The following SHISA9 variants were observed in gnomAD, a reference collection of about 807,000 sequenced individuals.
SHISA9 encodes the protein protein shisa-9.
Under a neutral mutation model 38.0 loss-of-function variants are expected in SHISA9, and 13 were observed. The observed-to-expected ratio is 0.34, with a 90% CI of 0.22 to 0.54. SHISA9 has a LOEUF of 0.54. Among genes scored for constraint, SHISA9 ranks in the 20% least tolerant of loss-of-function variants. SHISA9 has a pLI of 0.91. For missense variants in SHISA9, 538 were observed against 575.8 expected (o/e 0.93, Z 0.67); for synonymous variants, 275 against 242.0 (o/e 1.14, Z -1.27).
the SHISA9 span, among the ~76,000 whole-genome samples, chr16:13,372,572 T>G: frequency 6.6e-6 from 1 of 152,202 alleles, no homozygotes; most frequent in African/African-American, 2.4e-5. Flanking sequence ...ATTGCTGAGA[T>G]TTGAGACATT....
the SHISA9 span, among the ~76,000 whole-genome samples, chr16:13,336,191 A>ACC: frequency 6.6e-6 from 1 of 152,120 alleles, no homozygotes; most frequent in Non-Finnish European, 1.5e-5. Flanking sequence ...ATTGAACCTC[A>ACC]CCAGAACCAA....
At chr16:13,361,402 G>A in the SHISA9 span, among the ~76,000 whole-genome samples, 1 of 152,324 alleles carries the variant, frequency 6.6e-6, no homozygotes, top group East Asian at 1.9e-4. Flanking sequence ...AATCCCAAAT[G>A]TTTCTTGATT....
At chr16:13,271,599 A>G in the SHISA9 span, among the ~76,000 whole-genome samples, 1 of 152,174 alleles carries the variant, frequency 6.6e-6, no homozygotes, top group Non-Finnish European at 1.5e-5. Flanking sequence ...TGAACCTCAA[A>G]TATATTATGT....
the SHISA9 span, among the ~76,000 whole-genome samples, chr16:13,462,668 T>G: frequency 6.6e-6 from 1 of 151,440 alleles, no homozygotes; most frequent in African/African-American, 2.4e-5. Flanking sequence ...GTACTAAAAA[T>G]ATAAAAAAGT....
chr16:13,429,534 G>A, the SHISA9 span, among the ~76,000 whole-genome samples: 1 of 151,966 alleles, frequency 6.6e-6, no homozygotes, highest in African/African-American at 2.4e-5. Context: ...TTTCTATAAG[G>A]ACACCAGTCA....
intron 2 of SHISA9, among the ~76,000 whole-genome samples, chr16:13,035,565 C>T (rs979569014): frequency 6.6e-6 from 1 of 151,474 alleles, no homozygotes; most frequent in African/African-American, 2.4e-5. Context: ...GAGTCTTGCT[C>T]TGTCACCCCG....
the SHISA9 span, among the ~76,000 whole-genome samples, chr16:13,327,807 C>A: frequency 1.3e-5 from 2 of 152,104 alleles, no homozygotes; most frequent in South Asian, 2.1e-4. Context: ...CTGGCCCCTG[C>A]CACCACGCCT....
chr16:13,277,297 A>G, the SHISA9 span, among the ~76,000 whole-genome samples: 2 of 152,096 alleles, frequency 1.3e-5, no homozygotes, highest in South Asian at 2.1e-4. Context: ...TACCAGTACC[A>G]TGCTGTTTAG....
chr16:12,938,221 G>A (rs74834492), intron 2 of SHISA9, among the ~76,000 whole-genome samples: 2,692 of 152,292 alleles, frequency 0.018, 84 homozygotes, highest in African/African-American at 0.062. Flanking sequence ...ATTTTCCGAT[G>A]GGTCAGTTCT....
chr16:12,970,418 C>CGTATATATAT (rs2072054029), intron 2 of SHISA9, among the ~76,000 whole-genome samples: 6 of 9,586 alleles, frequency 6.3e-4, no homozygotes, highest in Non-Finnish European at 1.3e-3. Context: ...TATATATATA[C>CGTATATATAT]ACATATATGT....
At chr16:13,553,184 T>C in the SHISA9 span, among the ~76,000 whole-genome samples, 3 of 152,216 alleles carry the variant, frequency 2.0e-5, no homozygotes, top group Non-Finnish European at 4.4e-5. Context: ...TGATGTGTTT[T>C]AGTTCACTTG....
At chr16:13,232,174 C>A (rs944052249) in intron 4 of SHISA9, among the ~76,000 whole-genome samples, 1 of 152,134 alleles carries the variant, frequency 6.6e-6, no homozygotes, top group African/African-American at 2.4e-5. Context: ...ACTGTGAGAT[C>A]CCAACGTGTG....
intron 2 of SHISA9, among the ~76,000 whole-genome samples, chr16:12,981,097 G>C (rs951661824): frequency 6.6e-6 from 1 of 152,028 alleles, no homozygotes; most frequent in Admixed American, 6.6e-5. Flanking sequence ...TGTTATTATG[G>C]TTTGTGAGCT....
At chr16:13,315,994 G>C in the SHISA9 span, among the ~76,000 whole-genome samples, 1 of 151,716 alleles carries the variant, frequency 6.6e-6, no homozygotes, top group African/African-American at 2.4e-5. Context: ...AATAACATCT[G>C]ATAGAAAGTG....
chr16:13,411,347 G>T, the SHISA9 span, among the ~76,000 whole-genome samples: 3 of 152,178 alleles, frequency 2.0e-5, no homozygotes, highest in African/African-American at 7.2e-5. Flanking sequence ...CCAGGTGTGT[G>T]GTCCTGGGCA....
chr16:13,373,792 G>A, the SHISA9 span, among the ~76,000 whole-genome samples: 2 of 150,156 alleles, frequency 1.3e-5, no homozygotes, highest in East Asian at 2.0e-4. Flanking sequence ...TGGGAGTGAC[G>A]ATAGTGCCAC....
At chr16:13,086,155 A>G (rs1319413609) in intron 2 of SHISA9, among the ~76,000 whole-genome samples, 1 of 152,080 alleles carries the variant, frequency 6.6e-6, no homozygotes, top group African/African-American at 2.4e-5. Context: ...CAAGAGATTG[A>G]GACCATCCTG....
intron 2 of SHISA9, among the ~76,000 whole-genome samples, chr16:13,083,978 C>G (rs1432141216): frequency 6.6e-6 from 1 of 152,086 alleles, no homozygotes; most frequent in Non-Finnish European, 1.5e-5. Context: ...GACCGGAGAA[C>G]TGAAGTCGAG....
chr16:13,304,548 GTGCCTGGCCAGAAGC>G, the SHISA9 span, among the ~76,000 whole-genome samples: 1 of 152,210 alleles, frequency 6.6e-6, no homozygotes, highest in Non-Finnish European at 1.5e-5. Context: ...GTGAGCCACT[GTGCCTGGCCAGAAGC>G]TGCCTTTTAG....
Sources: allele counts gnomAD v4.1 joint callset (sites outside exome capture counted in the v4.1 genomes callset), GRCh38; gene constraint gnomAD v4.1.1; transcripts MANE v1.5; gene names NCBI Gene and HGNC (gene_info 2026-07-23, HGNC 2026-07-21).